Variants in PTPRC observed in about 807,000 individuals in gnomAD.
PTPRC encodes receptor-type tyrosine-protein phosphatase C.
PTPRC carries 44 observed loss-of-function variants against 155.9 expected under a neutral mutation model. The ratio of observed to expected loss-of-function variants is 0.28; its 90% CI spans 0.22 to 0.36. PTPRC has a LOEUF of 0.36. Ranked by LOEUF, PTPRC falls within the 10% of genes least tolerant of loss-of-function variation. The probability of loss-of-function intolerance (pLI) is 1.00; values close to 1 mark genes in which losing one functional copy is unlikely to be tolerated. For synonymous variants in PTPRC, 525 were observed against 533.1 expected, an observed-to-expected ratio of 0.98 and a Z score of 0.21; for missense variants, 1,401 against 1,564.6, an observed-to-expected ratio of 0.90 and a Z score of 1.76.
At chr1:198,652,648 G>C (rs541757751) in intron 2 of PTPRC, among the ~76,000 whole-genome samples, 1 of 151,068 alleles carries the variant, frequency 6.6e-6, no homozygotes, top group African/African-American at 2.4e-5. Context: ...AGAGGAATCA[G>C]CATCATTGAA....
intron 27 of PTPRC, 25 bp from the exon 28 acceptor site, chr1:198,749,391 C>T (rs755754894): frequency 2.5e-6 from 4 of 1,599,890 alleles, no homozygotes; most frequent in Non-Finnish European, 3.4e-6. Context: ...TCAAGGAAGA[C>T]TTACTACTGA....
At chr1:198,714,712 G>A (rs1486490629) in intron 12 of PTPRC, among the ~76,000 whole-genome samples, 1 of 152,132 alleles carries the variant, frequency 6.6e-6, no homozygotes, top group Non-Finnish European at 1.5e-5. Context: ...GTTACCTAAG[G>A]CAAAGAGAGT....
chr1:198,677,388 A>C (rs531220583), intron 2 of PTPRC, among the ~76,000 whole-genome samples: 2 of 152,054 alleles, frequency 1.3e-5, no homozygotes, highest in Admixed American at 6.5e-5. Flanking sequence ...TCTACCTTAC[A>C]TCTTGCTTTT....
chr1:198,735,511 G>C (rs1355587982), intron 23 of PTPRC, among the ~76,000 whole-genome samples: 3 of 151,260 alleles, frequency 2.0e-5, no homozygotes, highest in Non-Finnish European at 4.4e-5. Flanking sequence ...AAAAAAGAGG[G>C]AAGGTCCATT....
Position 198,742,067 on chromosome 1 carries a change from A to T in PTPRC, c.2561+41A>T, listed in dbSNP as rs374034081. 3.7e-4 allele frequency: 597 copies of T among 1,607,718 alleles called. 1 individual carries two copies. Among genetic ancestry groups the T allele is most frequent in the Non-Finnish European group, 4.8e-4 (563 of 1,176,210 alleles). On this transcript the variant is annotated intron_variant, in intron 24 of 32. Coordinates refer to ENST00000442510, the MANE Select transcript of PTPRC (RefSeq NM_002838.5). Reference sequence around the variant, plus strand: ...AAAAAAAAAAAACAACAACAAAAAAACTCCAACAGAATCCACCTGCCTAGG... The same window carrying T: ...AAAAAAAAAAAACAACAACAAAAAATCTCCAACAGAATCCACCTGCCTAGG...
intron 2 of PTPRC, among the ~76,000 whole-genome samples, chr1:198,678,823 T>C (rs978180953): frequency 2.6e-5 from 4 of 151,018 alleles, no homozygotes; most frequent in Admixed American, 1.3e-4. Flanking sequence ...TGGTCTTTTT[T>C]TCCCCCCCAG....
At chr1:198,673,452 C>G (rs1337696856) in intron 2 of PTPRC, among the ~76,000 whole-genome samples, 1 of 152,060 alleles carries the variant, frequency 6.6e-6, no homozygotes, top group Non-Finnish European at 1.5e-5. Context: ...ATTCAGGAAG[C>G]TAATGTATAT....
intron 2 of PTPRC, among the ~76,000 whole-genome samples, chr1:198,658,095 T>A (rs1571791771): frequency 6.6e-6 from 1 of 152,310 alleles, no homozygotes; most frequent in South Asian, 2.1e-4. Flanking sequence ...CTCATTGGAA[T>A]ACCCTTCCTT....
chr1:198,681,468 A>C (rs79746404), intron 2 of PTPRC, among the ~76,000 whole-genome samples: 6,903 of 152,240 alleles, frequency 0.045, 202 homozygotes, highest in East Asian at 0.12. Context: ...GATGTTTCCT[A>C]CTGGTAGGGT....
At chr1:198,665,176 G>A (rs1194804242) in intron 2 of PTPRC, among the ~76,000 whole-genome samples, 2 of 130,364 alleles carry the variant, frequency 1.5e-5, no homozygotes, top group African/African-American at 5.7e-5. Flanking sequence ...TGCAAGCTCC[G>A]CCTCCCGGGT....
chr1:198,755,983 T>C lies in PTPRC; in HGVS notation c.3723T>C (p.His1241=), dbSNP rs1408202308. 6.2e-7 allele frequency: 1 copy of C among 1,613,118 alleles called. No individual in the cohort carries two copies. Among genetic ancestry groups the C allele is most frequent in the East Asian group, 2.2e-5 (1 of 44,796 alleles). The part of the protein sequence containing the change: ...AQNGQVKKNN[H]QEDKIEFDNE... ...ATGGACAAGTAAAGAAAAACAACCA[T>C]CAAGAAGATAAAATTGAATTTGATA... The change falls in exon 33 of 33, where the codon CAT becomes CAC. Residue 1241 remains histidine, a synonymous_variant. Coordinates refer to ENST00000442510, the MANE Select transcript of PTPRC (RefSeq NM_002838.5).
chr1:198,639,539 G>A (rs1196214544), intron 2 of PTPRC, among the ~76,000 whole-genome samples, 198 bp downstream of exon 2: 1 of 151,932 alleles, frequency 6.6e-6, no homozygotes, highest in Non-Finnish European at 1.5e-5. Context: ...AGACATAAAT[G>A]TTTCGGGACA....
intron 14 of PTPRC, among the ~76,000 whole-genome samples, chr1:198,721,416 A>G (rs1383149200): frequency 1.3e-5 from 2 of 152,152 alleles, no homozygotes; most frequent in Non-Finnish European, 2.9e-5. Context: ...CTTTGGTAAA[A>G]TTTTGACTGT....
intron 6 of PTPRC, 138 bp from the exon 7 acceptor site, chr1:198,703,160 A>G: frequency 6.1e-6 from 7 of 1,152,152 alleles, no homozygotes; most frequent in Non-Finnish European, 7.5e-6. Flanking sequence ...TTATTTTAAA[A>G]ACAAGCGAAT....
In PTPRC at chr1:198,756,092, G is replaced by C. The variant is rs201641820; in HGVS notation, c.3832G>C (p.Ala1278Pro). The C allele has an allele frequency of 1.2e-6, 2 of 1,613,460 alleles. No individual in the cohort carries two copies. Among genetic ancestry groups the C allele is most frequent in the East Asian group, 2.2e-5 (1 of 44,794 alleles). ...PEKLPEAKEQ[A>P]EGSEPTSGTE... Reference sequence around the variant, plus strand: ...AAAGCTCCCTGAAGCAAAGGAACAGGCTGAAGGTTCTGAACCCACGAGTGG... The same window carrying C: ...AAAGCTCCCTGAAGCAAAGGAACAGCCTGAAGGTTCTGAACCCACGAGTGG... Residue 1278 changes from alanine (A) to proline (P), a missense_variant, in exon 33 of 33, where the codon GCT becomes CCT. By Grantham distance (27) the Ala-to-Pro change is conservative. Around this residue, in one of 3 missense-constraint regions of PTPRC, gnomAD observed 400 missense variants for 389.5 expected, o/e 1.03. Transcript: ENST00000442510.
At chr1:198,651,292 TTGTGTGTGTG>T (rs67899145) in intron 2 of PTPRC, among the ~76,000 whole-genome samples, 2 of 147,796 alleles carry the variant, frequency 1.4e-5, no homozygotes, top group Non-Finnish European at 3.0e-5. Flanking sequence ...CAGATTGGGA[TTGTGTGTGTG>T]TGTGTGTGTG....
intron 2 of PTPRC, among the ~76,000 whole-genome samples, chr1:198,654,409 T>G (rs1663427044): frequency 1.3e-5 from 2 of 151,894 alleles, no homozygotes; most frequent in African/African-American, 4.8e-5. Context: ...TTCTCTCACT[T>G]TATAATGAAA....
chr1:198,682,683 A>G (rs1665405033), intron 2 of PTPRC, among the ~76,000 whole-genome samples: 1 of 151,896 alleles, frequency 6.6e-6, no homozygotes, highest in Admixed American at 6.5e-5. Context: ...CAAAGTACAG[A>G]CATAATATAA....
intron 2 of PTPRC, among the ~76,000 whole-genome samples, chr1:198,656,805 G>A (rs535991584): frequency 1.6e-4 from 24 of 152,010 alleles, no homozygotes; most frequent in Middle Eastern, 3.4e-3. Context: ...GAGAGCTCAA[G>A]CAGGTTGGTT....
Sources: gnomAD v4.1 joint callset for allele counts (sites outside exome capture counted in the v4.1 genomes callset) on GRCh38, gnomAD v4.1.1 for gene constraint, gnomAD v4.1.1 regional missense constraint, MANE v1.5 for transcripts, NCBI Gene and HGNC (gene_info 2026-07-23, HGNC 2026-07-21) for gene names.